SOX6: variants seen among roughly 807,000 people sequenced by gnomAD.
SOX6 encodes the protein transcription factor SOX-6.
A neutral mutation model predicts 97.8 loss-of-function variants in SOX6; 11 were observed. That is an observed-to-expected ratio of 0.11 (90% CI 0.07 to 0.19). SOX6 has a LOEUF of 0.19. Among genes scored for constraint, SOX6 ranks in the 10% least tolerant of loss-of-function variants. The probability of loss-of-function intolerance (pLI) is 1.00; values close to 1 mark genes in which losing one functional copy is unlikely to be tolerated. For synonymous variants in SOX6, 360 were observed against 371.4 expected (o/e 0.97, Z 0.35); for missense variants, 810 against 1,039.5 (o/e 0.78, Z 3.04).
intron 4 of SOX6, among the ~76,000 whole-genome samples, chr11:16,208,932 T>C (rs1477768840): frequency 1.3e-5 from 2 of 152,230 alleles, no homozygotes; most frequent in East Asian, 3.8e-4. Context: ...TAAATTTTGA[T>C]GTAGTATTGA....
chr11:16,193,242 C>T (rs1851676759), intron 4 of SOX6, among the ~76,000 whole-genome samples: 1 of 152,094 alleles, frequency 6.6e-6, no homozygotes, highest in South Asian at 2.1e-4. Flanking sequence ...CATGGTGGCT[C>T]ACAATTGCAA....
At chr11:16,622,765 T>C (rs928749860) in intron 3 of SOX6, among the ~76,000 whole-genome samples, 25 of 152,290 alleles carry the variant, frequency 1.6e-4, no homozygotes, top group African/African-American at 5.3e-4. Context: ...TGACTTCTTT[T>C]CCCCTGGATA....
chr11:16,447,081 C>T (rs963764625), intron 1 of SOX6, among the ~76,000 whole-genome samples: 1 of 151,210 alleles, frequency 6.6e-6, no homozygotes, highest in African/African-American at 2.4e-5. Flanking sequence ...TTCTTCTGTG[C>T]AGGGAAAAAA....
At chr11:16,693,366 G>C (rs1156465758) in intron 3 of SOX6, among the ~76,000 whole-genome samples, 1 of 151,874 alleles carries the variant, frequency 6.6e-6, no homozygotes, top group East Asian at 1.9e-4. Flanking sequence ...GTAATTATTT[G>C]ACTAATTTTC....
intron 12 of SOX6, 61 bp from the exon 13 acceptor site, chr11:16,015,111 A>T: frequency 1.4e-6 from 2 of 1,431,020 alleles, no homozygotes; most frequent in Non-Finnish European, 2.0e-6. Flanking sequence ...ATTTCCTTCC[A>T]GTTTCTATCT....
At chr11:16,117,122 G>A (rs1027137299) in intron 6 of SOX6, among the ~76,000 whole-genome samples, 4 of 152,106 alleles carry the variant, frequency 2.6e-5, no homozygotes, top group Admixed American at 6.5e-5. Context: ...GGCCAAGCCG[G>A]GTGGATCAAG....
intron 1 of SOX6, among the ~76,000 whole-genome samples, chr11:16,450,646 T>G (rs932676691): frequency 2.0e-5 from 3 of 152,202 alleles, no homozygotes; most frequent in Non-Finnish European, 2.9e-5. Flanking sequence ...TTTTCATATA[T>G]GACAAAAACT....
chr11:16,181,492 ATC>A (rs1851345316), intron 6 of SOX6, among the ~76,000 whole-genome samples: 1 of 151,114 alleles, frequency 6.6e-6, no homozygotes, highest in Non-Finnish European at 1.5e-5. Context: ...TCCAACAATA[ATC>A]TCTCTCTTAA....
Position 15,973,131 on chromosome 11 carries a change from C to T in SOX6, c.2184-19G>A, listed in dbSNP as rs1416016463. On this transcript the variant is annotated intron_variant, in intron 15 of 15. Transcript: ENST00000683767. ...CTGTTGCCTATATAGATTCAAGAAA[C>T]AAAATCAGACAAGGGAGAAATATCT... 6.2e-7 allele frequency: 1 copy of T among 1,612,612 alleles called. No individual in the cohort carries two copies. The highest frequency in any genetic ancestry group is 8.5e-7 in the Non-Finnish European group (1 of 1,179,326).
chr11:16,616,485 G>A lies in SOX6; in HGVS notation n.430-4225C>T, dbSNP rs996657867. ...TAAATACAGGATTTCTTTTGTGTGC[G>A]TATTTTTTTTAACATTACAATCATA... On this transcript the variant is annotated intron_variant and non_coding_transcript_variant, in intron 3 of 5. Coordinates refer to the SOX6 transcript ENST00000524520. 7.2e-5 allele frequency among the ~76,000 whole-genome samples: 11 copies of A among 151,786 alleles called. No homozygotes were observed. In the East Asian group the frequency reaches 7.7e-4, roughly 11 times the overall value.
intron 6 of SOX6, among the ~76,000 whole-genome samples, chr11:16,175,976 T>C (rs745468748): frequency 4.6e-5 from 7 of 151,838 alleles, no homozygotes; most frequent in Non-Finnish European, 1.0e-4. Flanking sequence ...AAAACAGCTA[T>C]GACCAAAATG....
chr11:16,263,877 T>G (rs1290479806), intron 3 of SOX6, among the ~76,000 whole-genome samples: 2 of 151,954 alleles, frequency 1.3e-5, no homozygotes, highest in Non-Finnish European at 2.9e-5. Flanking sequence ...TCTCTATCTC[T>G]CCCTGTCTCT....
chr11:16,518,150 A>G (rs72873400), intron 4 of SOX6, among the ~76,000 whole-genome samples: 1 of 152,134 alleles, frequency 6.6e-6, no homozygotes, highest in Non-Finnish European at 1.5e-5. Context: ...AAAGGCTTTC[A>G]TAAATGTGGC....
chr11:16,378,149 A>C (rs1178691887), intron 1 of SOX6, among the ~76,000 whole-genome samples: 1 of 152,184 alleles, frequency 6.6e-6, no homozygotes, highest in Non-Finnish European at 1.5e-5. Flanking sequence ...GTACTAAAAC[A>C]TTTAACATTT....
chr11:16,707,707 C>T (rs1349896018), intron 3 of SOX6, among the ~76,000 whole-genome samples: 3 of 152,120 alleles, frequency 2.0e-5, no homozygotes, highest in African/African-American at 4.8e-5. Flanking sequence ...GTGAAAAACA[C>T]TGTGCTATAA....
At chr11:16,044,802 C>A (rs1035103554) in intron 12 of SOX6, among the ~76,000 whole-genome samples, 5 of 152,160 alleles carry the variant, frequency 3.3e-5, no homozygotes, top group African/African-American at 1.2e-4. Flanking sequence ...AATTCAACCC[C>A]AGTAAGGTTG....
At chr11:16,198,671 C>T (rs771620909) in intron 4 of SOX6, among the ~76,000 whole-genome samples, 3 of 151,968 alleles carry the variant, frequency 2.0e-5, no homozygotes, top group Non-Finnish European at 4.4e-5. Flanking sequence ...TCTGAAAAGG[C>T]GATGAGATTA....
intron 6 of SOX6, among the ~76,000 whole-genome samples, chr11:16,149,650 C>T (rs1850407984): frequency 6.6e-6 from 1 of 152,082 alleles, no homozygotes; most frequent in African/African-American, 2.4e-5. Context: ...GAAAAATTAG[C>T]TATAGAATAC....
chr11:16,099,466 T>C (rs1258193820), intron 7 of SOX6, among the ~76,000 whole-genome samples: 2 of 151,750 alleles, frequency 1.3e-5, no homozygotes, highest in Non-Finnish European at 2.9e-5. Context: ...AAAATCACCA[T>C]TCTAACCATC....
Sources: allele counts gnomAD v4.1 joint callset (sites outside exome capture counted in the v4.1 genomes callset), GRCh38; gene constraint gnomAD v4.1.1; transcripts MANE v1.5; gene names NCBI Gene and HGNC (gene_info 2026-07-23, HGNC 2026-07-21).